Variants in DNAH5 observed in about 807,000 individuals in gnomAD.
The protein encoded by DNAH5 is axonemal beta dynein heavy chain 5.
DNAH5 carries 372 observed loss-of-function variants against 518.2 expected under a neutral mutation model. The ratio of observed to expected loss-of-function variants is 0.72; its 90% CI spans 0.66 to 0.78. The LOEUF is 0.78. DNAH5 is among the 30% of genes least tolerant of loss of function. The pLI, the probability that DNAH5 is intolerant of heterozygous loss-of-function variation, is 0.00. For synonymous variants in DNAH5, 2,039 were observed against 2,025.9 expected (o/e 1.01, Z -0.17); for missense variants, 5,523 against 5,687.0 (o/e 0.97, Z 0.93).
Position 13,810,112 on chromosome 5 carries a change from G to T in DNAH5, c.7556C>A (p.Pro2519Gln). ...RSRPTGTLEL[P>Q]PPAGPGDTAF... ...GGTGTCCCCGGGCCCCGCTGGCGGC[G>T]GCAGCTCCAGCGTCCCTGTGGGCCG... The change falls in exon 45 of 79, where the codon CCG becomes CAG. Residue 2519 changes from proline (P) to glutamine (Q), a missense_variant. Around this residue, in one of 3 missense-constraint regions of DNAH5, gnomAD observed 5,121 missense variants for 5,223.3 expected, o/e 0.98. Transcript: ENST00000265104. 1 of 1,550,760 alleles carries T rather than the reference G, an allele frequency of 6.4e-7. No homozygotes were observed. The highest frequency in any genetic ancestry group is 8.7e-7 in the Non-Finnish European group (1 of 1,147,532).
At chr5:13,756,184 C>G (rs1750977933) in intron 61 of DNAH5, among the ~76,000 whole-genome samples, 1 of 152,212 alleles carries the variant, frequency 6.6e-6, no homozygotes, top group African/African-American at 2.4e-5. Context: ...CTTCAATGGG[C>G]CATGCAGGCC....
chr5:14,003,558 T>A (rs1244841971), intron 1 of DNAH5, among the ~76,000 whole-genome samples: 1 of 152,182 alleles, frequency 6.6e-6, no homozygotes, highest in Non-Finnish European at 1.5e-5. Context: ...AGACAGTGGT[T>A]CCAAAGATGG....
chr5:13,751,445 G>A (rs540032744), intron 64 of DNAH5, among the ~76,000 whole-genome samples, 185 bp from the exon 65 acceptor site: 38 of 152,114 alleles, frequency 2.5e-4, no homozygotes, highest in Admixed American at 2.0e-4. Context: ...AGGAAGCAAA[G>A]AAGGATGGGA....
At chr5:13,743,348 AG>A (rs1243229658) in intron 65 of DNAH5, among the ~76,000 whole-genome samples, 3 of 152,052 alleles carry the variant, frequency 2.0e-5, no homozygotes, top group African/African-American at 7.2e-5. Flanking sequence ...AAGATCTAAA[AG>A]TAAGACCTGA....
Position 13,841,829 on chromosome 5 carries a change from C to T in DNAH5, c.5347G>A (p.Gly1783Ser), listed in dbSNP as rs138596348. 1.4e-5 allele frequency: 23 copies of T among 1,612,650 alleles called. No individual in the cohort carries two copies. Among genetic ancestry groups the T allele is most frequent in the Non-Finnish European group, 1.9e-5 (23 of 1,179,558 alleles). The change falls in exon 33 of 79, where the codon GGC becomes AGC. Residue 1783 changes from glycine (G) to serine (S), a missense_variant. Gly to Ser is a moderately conservative substitution (Grantham distance 56). Coordinates refer to ENST00000265104, the MANE Select transcript of DNAH5 (RefSeq NM_001369.3). ...GAATTAAGCCAAACTTCCACATTGC[C>T]CTCTGCCATGACAGGTTTATCCAAT... Reference protein sequence around the residue: ...IELDKPVMAEGNVEVWLNSLL... With the variant: ...IELDKPVMAESNVEVWLNSLL...
chr5:13,982,982 T>C (rs972935192), intron 1 of DNAH5, among the ~76,000 whole-genome samples: 4 of 152,234 alleles, frequency 2.6e-5, no homozygotes, highest in Admixed American at 6.5e-5. Flanking sequence ...TCTGGTAGAT[T>C]AGGCAGCCAT....
At chr5:13,812,814 C>G (rs1474342026) in intron 43 of DNAH5, among the ~76,000 whole-genome samples, 1 of 152,184 alleles carries the variant, frequency 6.6e-6, no homozygotes, top group Non-Finnish European at 1.5e-5. Flanking sequence ...GAGGCAAGTT[C>G]TCTTAAGGTC....
chr5:13,954,946 C>T (rs527874670), intron 1 of DNAH5, among the ~76,000 whole-genome samples: 3 of 152,346 alleles, frequency 2.0e-5, no homozygotes, highest in African/African-American at 7.2e-5. Context: ...CACCAATTTT[C>T]TTGCCATTCT....
chr5:13,824,219 C>G lies in DNAH5; in HGVS notation c.6559G>C (p.Asp2187His). The G allele has an allele frequency of 1.2e-6, 2 of 1,614,060 alleles. No homozygotes were observed. The highest frequency in any genetic ancestry group is 1.7e-6 in the Non-Finnish European group (2 of 1,179,980). Residue 2187 changes from aspartate (D) to histidine (H), a missense_variant, in exon 39 of 79, where the codon GAC becomes CAC. Asp to His is a moderately conservative substitution (Grantham distance 81). Around this residue, in one of 3 missense-constraint regions of DNAH5, gnomAD observed 5,121 missense variants for 5,223.3 expected, o/e 0.98. Transcript: ENST00000265104. ...CTTACCAGTTTAGAAAGATTCATGT[C>G]CCGTAGTACACGCATGACAATCGTG... ...ESTIVMRVLR[D>H]MNLSKLIDED...
chr5:13,727,685 T>C, intron 69 of DNAH5, 29 bp from the exon 70 acceptor site: 3 of 1,613,408 alleles, frequency 1.9e-6, no homozygotes, highest in African/African-American at 1.3e-5. Context: ...AAAAACTGTG[T>C]CATGCCACCC....
At chr5:13,946,303 G>A (rs1779912671), upstream of DNAH5, among the ~76,000 whole-genome samples, 1 of 152,136 alleles carries the variant, frequency 6.6e-6, no homozygotes, top group Non-Finnish European at 1.5e-5. Flanking sequence ...GTGTTTGGCA[G>A]GCATAACCAT....
chr5:14,005,188 G>C (rs1425514507), intron 1 of DNAH5, among the ~76,000 whole-genome samples: 1 of 152,058 alleles, frequency 6.6e-6, no homozygotes, highest in African/African-American at 2.4e-5. Flanking sequence ...TTGCCACATT[G>C]TTACCTTCCA....
intron 35 of DNAH5, among the ~76,000 whole-genome samples, chr5:13,834,136 A>C (rs1764054375): frequency 6.6e-6 from 1 of 152,258 alleles, no homozygotes; most frequent in Non-Finnish European, 1.5e-5. Flanking sequence ...AAAGAAAAAT[A>C]AACAAATGGG....
intron 1 of DNAH5, among the ~76,000 whole-genome samples, chr5:13,993,732 C>T (rs1295340112): frequency 2.0e-5 from 3 of 152,178 alleles, no homozygotes; most frequent in African/African-American, 7.2e-5. Context: ...AATCAGCTTG[C>T]CTAATGTACA....
At chr5:13,863,565 A>G (rs141114426) in intron 28 of DNAH5, among the ~76,000 whole-genome samples, 1 of 151,776 alleles carries the variant, frequency 6.6e-6, no homozygotes, top group East Asian at 1.9e-4. Flanking sequence ...TGTTCCCTTC[A>G]TCACCGAATT....
In DNAH5 at chr5:13,848,740, C is replaced by T. The variant is rs114747668; in HGVS notation, c.5114+1912G>A. On this transcript the variant is annotated intron_variant, in intron 31 of 78. Transcript: ENST00000265104. ...GCAGTTCACAATAGGGCTTGCACTACTATGAGACCCTAATGTTGCTGCTGA... is the reference window on the plus strand; with the variant it reads ...GCAGTTCACAATAGGGCTTGCACTATTATGAGACCCTAATGTTGCTGCTGA... Among the ~76,000 whole-genome samples the T allele has an allele frequency of 3.3e-3, 509 of 152,274 alleles. 2 individuals carry two copies. The highest frequency in any genetic ancestry group is 5.9e-3 in the Non-Finnish European group (403 of 68,028).
chr5:13,721,267 T>C, intron 70 of DNAH5, 22 bp from the exon 71 acceptor site: 1 of 1,613,974 alleles, frequency 6.2e-7, no homozygotes, highest in Non-Finnish European at 8.5e-7. Flanking sequence ...AGTATACAAG[T>C]CAGTAAAAGT....
chr5:14,000,235 T>G (rs1246290881), intron 1 of DNAH5, among the ~76,000 whole-genome samples: 13 of 152,094 alleles, frequency 8.5e-5, no homozygotes, highest in Non-Finnish European at 1.0e-4. Flanking sequence ...AAAGGCAATG[T>G]GAGGACACGG....
chr5:13,866,945 A>G (rs954770884), intron 25 of DNAH5, among the ~76,000 whole-genome samples: 1 of 152,158 alleles, frequency 6.6e-6, no homozygotes, highest in Non-Finnish European at 1.5e-5. Flanking sequence ...TAATTAAAAT[A>G]TGGACTCCGT....
Sources: allele counts gnomAD v4.1 joint callset (sites outside exome capture counted in the v4.1 genomes callset), GRCh38; gene constraint gnomAD v4.1.1; regional missense constraint gnomAD v4.1.1; transcripts MANE v1.5; gene names NCBI Gene and HGNC (gene_info 2026-07-23, HGNC 2026-07-21).